The following AGBL4 variants were observed in gnomAD, a reference collection of about 807,000 sequenced individuals.
AGBL4 encodes the protein cytosolic carboxypeptidase 6.
AGBL4 carries 58 observed loss-of-function variants against 66.4 expected under a neutral mutation model. The observed-to-expected ratio is 0.87, with a 90% CI of 0.71 to 1.09. AGBL4 has a LOEUF of 1.09. Ranked by LOEUF, AGBL4 falls within the 50% of genes least tolerant of loss-of-function variation. The pLI is 0.00. For missense variants in AGBL4, 579 were observed against 631.0 expected (o/e 0.92, Z 0.88); for synonymous variants, 234 against 222.9 (o/e 1.05, Z -0.44).
chr1:49,519,795 G>A (rs1650111952), intron 3 of AGBL4, among the ~76,000 whole-genome samples: 1 of 152,090 alleles, frequency 6.6e-6, no homozygotes, highest in Non-Finnish European at 1.5e-5. Flanking sequence ...CAAACTAGGT[G>A]AGTCTATGAA....
At chr1:48,753,468 G>A (rs1357069615) in intron 6 of AGBL4, among the ~76,000 whole-genome samples, 5 of 152,158 alleles carry the variant, frequency 3.3e-5, no homozygotes, top group Non-Finnish European at 7.4e-5. Context: ...TCAGAGACCT[G>A]GGCTTAAAGA....
intron 1 of AGBL4, among the ~76,000 whole-genome samples, chr1:49,988,184 A>C (rs1659660149): frequency 6.6e-6 from 1 of 152,130 alleles, no homozygotes; most frequent in Admixed American, 6.6e-5. Context: ...TCTTTTAAAC[A>C]GTTTAGAATT....
At chr1:49,457,395 A>G (rs79450823) in intron 3 of AGBL4, among the ~76,000 whole-genome samples, 11,710 of 150,910 alleles carry the variant, frequency 0.078, 691 homozygotes, top group African/African-American at 0.17. Context: ...TCTATTCATT[A>G]TCTCAGCCCA....
intron 2 of AGBL4, among the ~76,000 whole-genome samples, chr1:49,752,201 T>C (rs1426883253): frequency 1.3e-5 from 2 of 152,198 alleles, no homozygotes; most frequent in African/African-American, 2.4e-5. Context: ...TGCTTTCTCA[T>C]GAGGGCATTT....
intron 5 of AGBL4, among the ~76,000 whole-genome samples, chr1:49,040,404 T>C (rs982098961): frequency 1.3e-5 from 2 of 152,106 alleles, no homozygotes; most frequent in Non-Finnish European, 2.9e-5. Context: ...GAACACAGTT[T>C]GACAGTTTAT....
intron 3 of AGBL4, among the ~76,000 whole-genome samples, chr1:49,363,675 T>C (rs1423858787): frequency 6.6e-6 from 1 of 152,230 alleles, no homozygotes; most frequent in East Asian, 1.9e-4. Context: ...TTAAAAATAC[T>C]AACTTGCTCA....
intron 3 of AGBL4, among the ~76,000 whole-genome samples, chr1:49,306,455 A>T (rs1286146296): frequency 6.6e-6 from 1 of 152,126 alleles, no homozygotes. Flanking sequence ...TTATTTCATT[A>T]TTCTTTCTCT....
At chr1:48,707,771 A>C (rs1261745208) in intron 6 of AGBL4, among the ~76,000 whole-genome samples, 3 of 152,134 alleles carry the variant, frequency 2.0e-5, no homozygotes, top group Non-Finnish European at 4.4e-5. Context: ...GCAGTGACAC[A>C]CTTCAGCTGG....
At chr1:49,642,285 T>C (rs1645797232) in intron 3 of AGBL4, among the ~76,000 whole-genome samples, 1 of 151,974 alleles carries the variant, frequency 6.6e-6, no homozygotes, top group Admixed American at 6.6e-5. Flanking sequence ...TTAAAGACAT[T>C]GGAAGGTAGG....
intron 4 of AGBL4, among the ~76,000 whole-genome samples, chr1:49,229,903 G>A (rs1650177863): frequency 7.1e-6 from 1 of 141,694 alleles, no homozygotes. Flanking sequence ...CAGCTGTCAT[G>A]CTGCAATGGG....
At chr1:48,758,266 T>G (rs969338488) in intron 6 of AGBL4, among the ~76,000 whole-genome samples, 7 of 152,182 alleles carry the variant, frequency 4.6e-5, no homozygotes, top group Non-Finnish European at 1.0e-4. Context: ...GCTGGTAAAG[T>G]TTTCAAGTCC....
At chr1:48,764,488 G>C (rs568027851) in intron 6 of AGBL4, among the ~76,000 whole-genome samples, 1 of 152,258 alleles carries the variant, frequency 6.6e-6, no homozygotes, top group East Asian at 1.9e-4. Context: ...AATGGGGAAG[G>C]GGGGGAAATA....
chr1:49,737,353 T>TA (rs201754259), intron 2 of AGBL4, among the ~76,000 whole-genome samples: 3 of 151,718 alleles, frequency 2.0e-5, no homozygotes, highest in East Asian at 1.9e-4. Flanking sequence ...TACTCAGAAA[T>TA]AAAAAAAATA....
At chr1:49,166,599 C>T (rs1203582009) in intron 4 of AGBL4, among the ~76,000 whole-genome samples, 1 of 152,128 alleles carries the variant, frequency 6.6e-6, no homozygotes, top group Non-Finnish European at 1.5e-5. Context: ...ACATCCAGAA[C>T]AATTTAAGCT....
chr1:49,393,407 A>G (rs1281869143), intron 3 of AGBL4, among the ~76,000 whole-genome samples: 2 of 152,154 alleles, frequency 1.3e-5, no homozygotes, highest in African/African-American at 4.8e-5. Flanking sequence ...CTTATTCCCA[A>G]TACTATATTG....
chr1:49,759,514 A>G (rs1652145008), intron 2 of AGBL4, among the ~76,000 whole-genome samples: 1 of 152,164 alleles, frequency 6.6e-6, no homozygotes. Context: ...AAAACTAAGC[A>G]TATCTGGGTA....
intron 4 of AGBL4, among the ~76,000 whole-genome samples, chr1:49,046,735 CA>C (rs1256871576): frequency 6.6e-6 from 1 of 152,156 alleles, no homozygotes; most frequent in Admixed American, 6.6e-5. Flanking sequence ...ACTACATGGA[CA>C]ATTCCAGGCC....
intron 3 of AGBL4, among the ~76,000 whole-genome samples, chr1:49,368,005 C>T (rs969787046): frequency 8.5e-5 from 13 of 152,288 alleles, no homozygotes; most frequent in Admixed American, 3.3e-4. Flanking sequence ...TTTATAAAAA[C>T]GAGATCATAA....
At chr1:48,889,276 G>A (rs760202500) in intron 5 of AGBL4, among the ~76,000 whole-genome samples, 40 of 152,166 alleles carry the variant, frequency 2.6e-4, no homozygotes, top group African/African-American at 4.6e-4. Flanking sequence ...GGTTTCGGAC[G>A]CACGCCTGTG....
Sources: gnomAD v4.1 joint callset for allele counts (sites outside exome capture counted in the v4.1 genomes callset) on GRCh38, gnomAD v4.1.1 for gene constraint, MANE v1.5 for transcripts, NCBI Gene and HGNC (gene_info 2026-07-23, HGNC 2026-07-21) for gene names.